The following SLC5A4 variants were observed in gnomAD, a reference collection of about 807,000 sequenced individuals.
SLC5A4 encodes the protein probable glucose sensor protein SLC5A4.
Under a neutral mutation model 70.3 loss-of-function variants are expected in SLC5A4, and 55 were observed. That is an observed-to-expected ratio of 0.78 (90% CI 0.63 to 0.98). The LOEUF (loss-of-function observed/expected upper bound fraction) is 0.98, where lower values mean the gene tolerates loss of function less well. SLC5A4 is among the 50% of genes least tolerant of loss of function. SLC5A4 has a pLI of 0.00. For missense variants in SLC5A4, 735 were observed against 839.2 expected (o/e 0.88, Z 1.53); for synonymous variants, 268 against 305.7 (o/e 0.88, Z 1.29).
At chr22:32,334,422 C>T in the SLC5A4 span, among the ~76,000 whole-genome samples, 184 of 152,294 alleles carry the variant, frequency 1.2e-3, 2 homozygotes, top group Middle Eastern at 0.017. Context: ...CATCCAATTC[C>T]TCTGTGGCTC....
chr22:32,272,454 C>T, the SLC5A4 span: 1 of 804,930 alleles, frequency 1.2e-6, no homozygotes, highest in Non-Finnish European at 2.2e-6. Flanking sequence ...TGATCAGCGT[C>T]AGGAACTTCA....
chr22:32,288,669 C>A, the SLC5A4 span, among the ~76,000 whole-genome samples: 1 of 152,126 alleles, frequency 6.6e-6, no homozygotes, highest in African/African-American at 2.4e-5. Flanking sequence ...GCCTCAGCCA[C>A]CCGAGTAGCT....
At chr22:32,323,691 T>A in the SLC5A4 span, among the ~76,000 whole-genome samples, 1 of 152,224 alleles carries the variant, frequency 6.6e-6, no homozygotes, top group African/African-American at 2.4e-5. Flanking sequence ...GGTCGAGGCC[T>A]CTGCTTGGTT....
the SLC5A4 span, among the ~76,000 whole-genome samples, chr22:32,287,344 C>G: frequency 6.6e-6 from 1 of 152,130 alleles, no homozygotes; most frequent in Non-Finnish European, 1.5e-5. Flanking sequence ...GAACAAGGGA[C>G]TTCTTCCTAG....
At chr22:32,306,471 A>T in the SLC5A4 span, among the ~76,000 whole-genome samples, 1 of 149,988 alleles carries the variant, frequency 6.7e-6, no homozygotes, top group African/African-American at 2.5e-5. Context: ...GTCTCAAAAA[A>T]AAAAAACAAA....
chr22:32,236,675 G>A (rs1926075428), intron 7 of SLC5A4, among the ~76,000 whole-genome samples: 1 of 151,850 alleles, frequency 6.6e-6, no homozygotes, highest in Non-Finnish European at 1.5e-5. Context: ...AAGAAATCAA[G>A]GTTAAATGAG....
the SLC5A4 span, among the ~76,000 whole-genome samples, chr22:32,321,113 C>A: frequency 6.6e-6 from 1 of 152,202 alleles, no homozygotes; most frequent in East Asian, 1.9e-4. Flanking sequence ...TGTTGAAACC[C>A]CATCTCTACT....
At chr22:32,342,636 C>T in the SLC5A4 span, among the ~76,000 whole-genome samples, 4 of 152,132 alleles carry the variant, frequency 2.6e-5, no homozygotes, top group African/African-American at 4.8e-5. Context: ...TTTACTTCTA[C>T]TTCATATGAA....
At chr22:32,273,426 A>T in the SLC5A4 span, 1 of 162,768 alleles carries the variant, frequency 6.1e-6, no homozygotes, top group African/African-American at 2.4e-5. Context: ...GGAGTGTAAA[A>T]TGGACACAAA....
Position 32,234,982 on chromosome 22 carries a change from C to T in SLC5A4, c.776G>A (p.Arg259Gln), listed in dbSNP as rs141663667. 8.7e-5 allele frequency: 141 copies of T among 1,613,818 alleles called. 1 individual carries two copies. The African/African-American group carries it at 1.5e-3, about 18-fold the overall frequency. Residue 259 changes from arginine (R) to glutamine (Q), a missense_variant, in exon 8 of 15, where the codon CGG becomes CAG. Physicochemically the swap from Arg to Gln is conservative, Grantham distance 43. Coordinates refer to ENST00000266086, the MANE Select transcript of SLC5A4 (RefSeq NM_014227.3). ...TCGGAAGATGTGGAAGGAGTCCGCC[C>T]GAGGTGTGTAGCAACTGGCACTGAT... ...LTISASCYTP[R>Q]ADSFHIFRDA... is the part of the protein sequence containing the mutation.
chr22:32,237,337 A>G lies in SLC5A4; in HGVS notation c.584-13T>C, dbSNP rs1402546738. ...GAGGCCAAGCCCCCTAGTGAGAGAA[A>G]GAAAAGAACCAGGGCATTTTATCCA... On this transcript the variant is annotated splice_polypyrimidine_tract_variant and intron_variant, in intron 6 of 14. Transcript: ENST00000266086. 6.4e-7 allele frequency: 1 copy of G among 1,571,130 alleles called. No individual in the cohort carries two copies. Among genetic ancestry groups the G allele is most frequent in the South Asian group, 1.2e-5 (1 of 85,530 alleles).
intron 13 of SLC5A4, among the ~76,000 whole-genome samples, 197 bp downstream of exon 13, chr22:32,224,070 A>G (rs28542297): frequency 0.09 from 13,700 of 151,984 alleles, 693 homozygotes; most frequent in African/African-American, 0.12. Flanking sequence ...ACAGGTGCCC[A>G]CCACCACACC....
At chr22:32,219,414 A>G (rs918737273) in intron 14 of SLC5A4, among the ~76,000 whole-genome samples, 2 of 152,140 alleles carry the variant, frequency 1.3e-5, no homozygotes, top group Non-Finnish European at 2.9e-5. Context: ...AATACTTCTA[A>G]ACTCAAATGT....
chr22:32,334,968 C>T, the SLC5A4 span, among the ~76,000 whole-genome samples: 116 of 152,286 alleles, frequency 7.6e-4, no homozygotes, highest in African/African-American at 2.6e-3. Flanking sequence ...CAGAAGGGAC[C>T]GTGGAGGCTC....
chr22:32,309,656 C>T, the SLC5A4 span, among the ~76,000 whole-genome samples: 6 of 151,976 alleles, frequency 3.9e-5, no homozygotes, highest in Non-Finnish European at 8.8e-5. Flanking sequence ...GGATTGAATA[C>T]ACACACACAC....
Position 32,220,927 on chromosome 22 carries a change from A to G in SLC5A4, c.1761T>C (p.Val587=), listed in dbSNP as rs1011736900. 1 of 1,604,930 alleles carries G rather than the reference A, an allele frequency of 6.2e-7. No homozygotes were observed. The highest frequency in any genetic ancestry group is 1.7e-5 in the Admixed American group (1 of 60,018). The change falls in exon 14 of 15, where the codon GTT becomes GTC. Residue 587 remains valine (V), a synonymous_variant. Coordinates refer to ENST00000266086, the MANE Select transcript of SLC5A4 (RefSeq NM_014227.3). ...EKSQEETDDG[V]EEDYPEKSRG... is the part of the protein sequence containing the mutation. The stretch of plus-strand genomic sequence containing the variant: ...ATGTAAACCAAATATTACCTTCTTC[A>G]ACACCATCATCTGTTTCTTCCTGAC...
At chr22:32,264,432 G>C in the SLC5A4 span, among the ~76,000 whole-genome samples, 1 of 151,974 alleles carries the variant, frequency 6.6e-6, no homozygotes, top group Non-Finnish European at 1.5e-5. Flanking sequence ...AAAGTTCGTT[G>C]GGCATGGTGG....
chr22:32,316,044 A>C, the SLC5A4 span, among the ~76,000 whole-genome samples: 1 of 149,522 alleles, frequency 6.7e-6, no homozygotes, highest in South Asian at 2.1e-4. Flanking sequence ...TGGTGGGTGC[A>C]TGCAGTCCCA....
chr22:32,287,667 T>G, the SLC5A4 span, among the ~76,000 whole-genome samples: 1 of 150,774 alleles, frequency 6.6e-6, no homozygotes, highest in Non-Finnish European at 1.5e-5. Flanking sequence ...TTTTTTTTCT[T>G]TAGAGATGGG....
Sources: gnomAD v4.1 joint callset for allele counts (sites outside exome capture counted in the v4.1 genomes callset) on GRCh38, gnomAD v4.1.1 for gene constraint, MANE v1.5 for transcripts, NCBI Gene and HGNC (gene_info 2026-07-23, HGNC 2026-07-21) for gene names.